Variants in FAM167A observed in about 807,000 individuals in gnomAD.
FAM167A encodes the protein protein FAM167A.
FAM167A carries 23 observed loss-of-function variants against 14.9 expected under a neutral mutation model. The observed-to-expected ratio is 1.55, with a 90% confidence interval of 1.11 to 2.19. FAM167A has a LOEUF of 2.19. Among genes scored for constraint, FAM167A ranks in the 30% most tolerant of loss-of-function variants. The pLI is 0.00. For synonymous variants in FAM167A, 174 were observed against 117.7 expected (o/e 1.48, Z -3.10); for missense variants, 401 against 281.5 (o/e 1.42, Z -3.04).
rs1806043619 is a variant in FAM167A at position 11,436,696 on chromosome 8, TGCCGAAGTGCCCTGG to T, written c.381+7320_381+7334del. ...TGATAACTGTCCTATGGAAATGGAG[TGCCGAAGTGCCCTGG>T]GGTCACCTGAGAGCCCTCAGAAGAC... On this transcript the variant is annotated intron_variant, in intron 2 of 2. Coordinates refer to ENST00000284486, the MANE Select transcript of FAM167A (RefSeq NM_053279.3). Among the ~76,000 whole-genome samples the T allele has an allele frequency of 4.6e-5, 7 of 152,244 alleles. No individual in the cohort carries two copies. In the South Asian group the frequency reaches 1.5e-3, roughly 32 times the overall value.
chr8:11,429,407 G>C (rs1805417431), intron 2 of FAM167A, among the ~76,000 whole-genome samples: 1 of 152,232 alleles, frequency 6.6e-6, no homozygotes, highest in Non-Finnish European at 1.5e-5. Flanking sequence ...AGGAGAGCAG[G>C]TCTGAGCTGG....
At position 11,422,964 on chromosome 8, in the gene FAM167A, G is replaced by C. The variant is rs1455142564; in HGVS notation, c.*1409C>G. On this transcript the variant is annotated 3_prime_UTR_variant, in exon 3 of 3. Coordinates refer to ENST00000284486, the MANE Select transcript of FAM167A (RefSeq NM_053279.3). ...AGAGGGGTTGGCAGTGTGCGGGTTT[G>C]GCAAAGCATCACGACCATCTTTGGG... is the stretch of plus-strand genomic sequence containing the variant. The C allele has an allele frequency of 1.3e-5, 2 of 152,644 alleles. No individual in the cohort carries two copies. Among genetic ancestry groups the C allele is most frequent in the African/African-American group, 4.8e-5 (2 of 41,442 alleles). 9.5% of individuals were successfully genotyped at this position (152,644 alleles called of 1,614,324 possible).
chr8:11,450,139 G>C (rs926734499), intron 1 of FAM167A, among the ~76,000 whole-genome samples: 1 of 152,088 alleles, frequency 6.6e-6, no homozygotes, highest in Non-Finnish European at 1.5e-5. Context: ...CCCCTGACTC[G>C]GCACAAGCTT....
intron 2 of FAM167A, among the ~76,000 whole-genome samples, chr8:11,432,436 G>C (rs1404841471): frequency 1.3e-5 from 2 of 152,170 alleles, no homozygotes; most frequent in Non-Finnish European, 2.9e-5. Flanking sequence ...CTCAAAAGAA[G>C]ACATTTATGT....
chr8:11,440,293 T>C (rs1368852848), intron 2 of FAM167A, among the ~76,000 whole-genome samples: 1 of 152,212 alleles, frequency 6.6e-6, no homozygotes, highest in African/African-American at 2.4e-5. Flanking sequence ...GGAGTCGCAC[T>C]AAGAGGCTTG....
At chr8:11,450,087 G>A (rs1292037050) in intron 1 of FAM167A, among the ~76,000 whole-genome samples, 1 of 151,974 alleles carries the variant, frequency 6.6e-6, no homozygotes, top group Non-Finnish European at 1.5e-5. Flanking sequence ...TTCCAACCCC[G>A]ACCCAGCACT....
At chr8:11,467,103 C>A (rs933371747), upstream of FAM167A, among the ~76,000 whole-genome samples, 2 of 152,222 alleles carry the variant, frequency 1.3e-5, no homozygotes, top group Non-Finnish European at 2.9e-5. Context: ...GGGGACCCCA[C>A]GCCCAGGGCC....
chr8:11,446,319 C>G (rs4585710), intron 1 of FAM167A: 3 of 152,160 alleles, frequency 2.0e-5, no homozygotes, highest in African/African-American at 7.2e-5. Flanking sequence ...CCCTAGGCTA[C>G]GAGCCTGCCC....
At chr8:11,431,478 G>A (rs1321167333) in intron 2 of FAM167A, among the ~76,000 whole-genome samples, 1 of 152,198 alleles carries the variant, frequency 6.6e-6, no homozygotes, top group East Asian at 1.9e-4. Context: ...CGGCTGCACA[G>A]CAATGTGAAT....
intron 2 of FAM167A, chr8:11,438,539 A>G (rs770380897): frequency 4.2e-5 from 19 of 456,708 alleles, no homozygotes; most frequent in Non-Finnish European, 7.9e-5. Context: ...TGGTCTTTCA[A>G]TAATGTCTTT....
chr8:11,429,266 A>T (rs1805405889), intron 2 of FAM167A, among the ~76,000 whole-genome samples: 1 of 152,194 alleles, frequency 6.6e-6, no homozygotes, highest in South Asian at 2.1e-4. Context: ...CTGGTTTCTG[A>T]TGGCTAAGAA....
intron 1 of FAM167A, among the ~76,000 whole-genome samples, chr8:11,455,554 G>A (rs1807214354): frequency 4.9e-5 from 7 of 143,852 alleles, no homozygotes; most frequent in Admixed American, 7.0e-5. Context: ...TCTGAGTGTG[G>A]GGGGTGGTTG....
intron 2 of FAM167A, chr8:11,434,275 C>T (rs1805836882): frequency 6.6e-6 from 1 of 152,296 alleles, no homozygotes; most frequent in Non-Finnish European, 1.5e-5. Context: ...GCTCTGCAGC[C>T]CAGAGACTGC....
At chr8:11,460,309 G>A (rs1807489084) in intron 1 of FAM167A, among the ~76,000 whole-genome samples, 1 of 152,240 alleles carries the variant, frequency 6.6e-6, no homozygotes, top group South Asian at 2.1e-4. Context: ...TGGTGTGGAA[G>A]AGAAAAGAGT....
intron 1 of FAM167A, among the ~76,000 whole-genome samples, chr8:11,462,541 G>A (rs1412864392): frequency 1.3e-5 from 2 of 152,176 alleles, no homozygotes; most frequent in East Asian, 1.9e-4. Context: ...ACTGAAGCGT[G>A]CAGAACAGCA....
In FAM167A at chr8:11,445,762, G is replaced by C. The variant is rs138114588; in HGVS notation, c.-397-954C>G. Reference sequence around the variant, plus strand: ...GTGGGCAGTGGACATGGGTGAATCAGAGTAGGAGACATCTGATTTGGACCC... The same window carrying C: ...GTGGGCAGTGGACATGGGTGAATCACAGTAGGAGACATCTGATTTGGACCC... On this transcript the variant is annotated intron_variant, in intron 1 of 2. Transcript: ENST00000284486. Among the ~76,000 whole-genome samples the C allele has an allele frequency of 2.1e-3, 319 of 152,202 alleles. 2 individuals are homozygous for C. The highest frequency in any genetic ancestry group is 7.5e-3 in the African/African-American group (312 of 41,516).
chr8:11,438,371 G>A, intron 2 of FAM167A: 1 of 447,974 alleles, frequency 2.2e-6, no homozygotes, highest in Admixed American at 2.4e-5. Context: ...AATGTTGGGA[G>A]ATTGAAGGCC....
At chr8:11,430,294 G>C (rs1353606621) in intron 2 of FAM167A, among the ~76,000 whole-genome samples, 1 of 152,228 alleles carries the variant, frequency 6.6e-6, no homozygotes, top group Non-Finnish European at 1.5e-5. Context: ...GCACTGTGGT[G>C]ACAGGGTGTC....
intron 2 of FAM167A, among the ~76,000 whole-genome samples, chr8:11,436,679 G>A (rs531105347): frequency 6.6e-6 from 1 of 152,344 alleles, no homozygotes; most frequent in East Asian, 1.9e-4. Context: ...GGTGATAACT[G>A]TCCTATGGAA....
Sources: allele counts gnomAD v4.1 joint callset (sites outside exome capture counted in the v4.1 genomes callset), GRCh38; gene constraint gnomAD v4.1.1; transcripts MANE v1.5; gene names NCBI Gene and HGNC (gene_info 2026-07-23, HGNC 2026-07-21).